Variants in NHSL2 observed in about 807,000 individuals in gnomAD.
NHSL2 encodes the protein NHS like 2, also known as NHS-like protein 2.
A neutral mutation model predicts 53.4 loss-of-function variants in NHSL2; 27 were observed. That is an observed-to-expected ratio of 0.51 (90% CI 0.37 to 0.70). The LOEUF is 0.70. NHSL2 is among the 30% of genes least tolerant of loss of function. The pLI is 0.00. For missense variants in NHSL2, 892 were observed against 980.1 expected, an observed-to-expected ratio of 0.91 and a Z score of 1.20; for synonymous variants, 408 against 404.1, an observed-to-expected ratio of 1.01 and a Z score of -0.12.
chrX:72,130,338 C>A, intron 1 of NHSL2: 2 of 1,174,750 alleles, frequency 1.7e-6, no homozygotes, highest in Non-Finnish European at 1.2e-6. Flanking sequence ...CTTTCTGTTT[C>A]ATTTCCTCTT....
At chrX:72,065,422 A>G (rs1210876170) in intron 1 of NHSL2, among the ~76,000 whole-genome samples, 1 of 112,360 alleles carries the variant, frequency 8.9e-6, no homozygotes, top group African/African-American at 3.2e-5. Context: ...AGGACAAATG[A>G]GAGGCTCAGC....
At chrX:72,126,223 G>A (rs1310803516) in intron 1 of NHSL2, among the ~76,000 whole-genome samples, 2 of 111,778 alleles carry the variant, frequency 1.8e-5, no homozygotes, top group Non-Finnish European at 3.8e-5. Flanking sequence ...TTCCCCCACG[G>A]GAATCCTGCA....
At chrX:71,997,577 A>C (rs1707272650) in intron 1 of NHSL2, among the ~76,000 whole-genome samples, 1 of 112,494 alleles carries the variant, frequency 8.9e-6, no homozygotes, top group African/African-American at 3.2e-5. Flanking sequence ...AGGAGGCAGA[A>C]TAGCCTACTG....
chrX:71,919,685 G>A (rs950514287), intron 1 of NHSL2, among the ~76,000 whole-genome samples: 11 of 111,135 alleles, frequency 9.9e-5, no homozygotes, highest in Non-Finnish European at 1.9e-4. Context: ...TCACTGCCTC[G>A]CCAACCAAGG....
At chrX:72,102,368 C>G (rs541313734) in intron 1 of NHSL2, among the ~76,000 whole-genome samples, 18 of 111,981 alleles carry the variant, frequency 1.6e-4, no homozygotes, top group African/African-American at 5.5e-4. Flanking sequence ...ACCTCGAGAA[C>G]CAAGAGCATG....
chrX:71,950,278 G>A (rs185661580), intron 1 of NHSL2, among the ~76,000 whole-genome samples: 1 of 112,962 alleles, frequency 8.9e-6, no homozygotes, highest in East Asian at 2.8e-4. Context: ...GAAAGCCCAT[G>A]AGGGCAGGGC....
chrX:72,140,034 G>A lies in NHSL2; in HGVS notation c.2486G>A (p.Arg829His), dbSNP rs771518087. 6.6e-6 allele frequency: 8 copies of A among 1,210,173 alleles called. No individual in the cohort carries two copies. The South Asian group carries it at 1.1e-4, about 16-fold the overall frequency. The change falls in exon 6 of 8, where the codon CGT (arginine) becomes CAT (histidine). Residue 829 changes from arginine (R) to histidine (H), a missense_variant. By Grantham distance (29) the Arg-to-His change is conservative. Transcript: ENST00000633930. ...CCTATGGTTACTCAGTCCGACCTACGTTCTGTTCGCCTGAGGTCGGTCAGC... is the reference window on the plus strand; with the variant it reads ...CCTATGGTTACTCAGTCCGACCTACATTCTGTTCGCCTGAGGTCGGTCAGC... ...IMPMVTQSDL[R>H]SVRLRSVSKS...
chrX:71,950,432 T>G (rs775105812), intron 1 of NHSL2, among the ~76,000 whole-genome samples: 316 of 112,491 alleles, frequency 2.8e-3, no homozygotes, highest in Non-Finnish European at 4.6e-3. Flanking sequence ...GCACTGGGAC[T>G]GGAAAAAAAG....
chrX:72,137,014 A>T, intron 4 of NHSL2, 80 bp from the exon 5 acceptor site: 3 of 788,173 alleles, frequency 3.8e-6, no homozygotes, highest in Non-Finnish European at 5.5e-6. Context: ...GACTGCCATC[A>T]TTCTCTTCTC....
At chrX:71,962,627 CTTTTT>C (rs57600316) in intron 1 of NHSL2, among the ~76,000 whole-genome samples, 2 of 54,782 alleles carry the variant, frequency 3.7e-5, no homozygotes, top group Non-Finnish European at 3.8e-5. Context: ...CATCTCTTTC[CTTTTT>C]TTTTTTTTTT....
chrX:72,013,519 A>G (rs1191488485), intron 1 of NHSL2, among the ~76,000 whole-genome samples: 2 of 105,425 alleles, frequency 1.9e-5, no homozygotes, highest in African/African-American at 3.5e-5. Context: ...TACATGTTTT[A>G]TCTTTTCTTT....
intron 1 of NHSL2, among the ~76,000 whole-genome samples, chrX:72,069,149 T>C (rs1013104364): frequency 4.5e-5 from 5 of 112,265 alleles, no homozygotes; most frequent in Non-Finnish European, 9.4e-5. Context: ...TCCTGCAAGC[T>C]TCTGCAGACA....
chrX:71,922,713 G>C lies in NHSL2; in HGVS notation c.280+11346G>C, dbSNP rs769362491. ...TCTGTTTAAGAAGGCTGAGAAGGGT[G>C]TGTTCAGGAAGAGTTCCACTTGAAA... On this transcript the variant is annotated intron_variant, in intron 1 of 7. Transcript: ENST00000633930. Among the ~76,000 whole-genome samples the C allele has an allele frequency of 9.8e-5, 11 of 112,439 alleles. No homozygotes were observed. The East Asian group carries it at 3.1e-3, about 31-fold the overall frequency.
intron 1 of NHSL2, among the ~76,000 whole-genome samples, chrX:71,948,052 A>G (rs1358042948): frequency 1.8e-5 from 2 of 111,943 alleles, no homozygotes; most frequent in African/African-American, 6.5e-5. Context: ...AAATAAAAAA[A>G]GAAAGAAAAT....
intron 1 of NHSL2, among the ~76,000 whole-genome samples, chrX:71,953,651 G>T (rs2041830380): frequency 9.0e-6 from 1 of 111,129 alleles, no homozygotes; most frequent in African/African-American, 3.3e-5. Flanking sequence ...TGGGTTCCAG[G>T]GATCTTTCCC....
At position 72,139,915 on chromosome X, in the gene NHSL2, C is replaced by T; in HGVS notation, c.2367C>T (p.Ser789=). 8.3e-7 allele frequency: 1 copy of T among 1,210,949 alleles called. No homozygotes were observed. The highest frequency in any genetic ancestry group is 1.1e-6 in the Non-Finnish European group (1 of 895,041). Reference sequence around the variant, plus strand: ...TGGATCTGTCTGGGATGAGTATCTCCATCCGAAGCAAAACTAAGGTGAGTC... The same window carrying T: ...TGGATCTGTCTGGGATGAGTATCTCTATCCGAAGCAAAACTAAGGTGAGTC... ...PNLDLSGMSI[S]IRSKTKVSRH... is the part of the protein sequence containing the mutation. The change falls in exon 6 of 8, where the codon TCC becomes TCT. Residue 789 remains serine, a synonymous_variant. Transcript: ENST00000633930.
At chrX:72,136,255 A>G (rs2042355021) in intron 4 of NHSL2, among the ~76,000 whole-genome samples, 1 of 111,636 alleles carries the variant, frequency 9.0e-6, no homozygotes, top group Admixed American at 9.5e-5. Context: ...ACTTTAAGAG[A>G]AATACAGCTC....
intron 1 of NHSL2, among the ~76,000 whole-genome samples, chrX:71,961,193 T>G (rs756437228): frequency 8.9e-6 from 1 of 112,101 alleles, no homozygotes; most frequent in Admixed American, 9.5e-5. Context: ...TTATTGATAA[T>G]GTATAGAAGT....
intron 1 of NHSL2, among the ~76,000 whole-genome samples, chrX:71,995,282 C>A (rs1443466086): frequency 8.9e-6 from 1 of 112,352 alleles, no homozygotes; most frequent in East Asian, 2.8e-4. Context: ...CAGCTTGGAT[C>A]CTCTATGCTC....
Sources: allele counts gnomAD v4.1 joint callset (sites outside exome capture counted in the v4.1 genomes callset), GRCh38; gene constraint gnomAD v4.1.1; transcripts MANE v1.5; gene names NCBI Gene and HGNC (gene_info 2026-07-23, HGNC 2026-07-21).